Variants in AGBL4 observed in about 807,000 individuals in gnomAD.
AGBL4 encodes cytosolic carboxypeptidase 6.
A neutral mutation model predicts 66.4 loss-of-function variants in AGBL4; 58 were observed. That is an observed-to-expected ratio of 0.87 (90% CI 0.71 to 1.09). The LOEUF (loss-of-function observed/expected upper bound fraction) is 1.09. Ranked by LOEUF, AGBL4 falls within the 50% of genes least tolerant of loss-of-function variation. The pLI, the probability that AGBL4 is intolerant of heterozygous loss-of-function variation, is 0.00. For synonymous variants in AGBL4, 234 were observed against 222.9 expected (o/e 1.05, Z -0.44); for missense variants, 579 against 631.0 (o/e 0.92, Z 0.88).
chr1:48,697,071 G>C (rs1239120713), intron 6 of AGBL4, among the ~76,000 whole-genome samples: 1 of 152,104 alleles, frequency 6.6e-6, no homozygotes, highest in Non-Finnish European at 1.5e-5. Context: ...AGGCTGACAT[G>C]TTTCTATATC....
chr1:49,635,308 G>A (rs1215578278), intron 3 of AGBL4, among the ~76,000 whole-genome samples: 2 of 152,028 alleles, frequency 1.3e-5, no homozygotes, highest in African/African-American at 2.4e-5. Flanking sequence ...AAAAACAAAG[G>A]CAAGCATTCT....
intron 3 of AGBL4, among the ~76,000 whole-genome samples, chr1:49,644,734 C>A (rs1340072255): frequency 6.6e-6 from 1 of 151,406 alleles, no homozygotes; most frequent in Non-Finnish European, 1.5e-5. Flanking sequence ...AGGAAGGATG[C>A]AGAAGACTTG....
At position 48,588,656 on chromosome 1, in the gene AGBL4, A is replaced by AGTGTGT. The variant is rs57683318; in HGVS notation, c.1105-1496_1105-1491dup. The stretch of plus-strand genomic sequence containing the variant: ...AGAAAGACTGTGAAAGAAACAGAGA[A>AGTGTGT]GTGTGTGTGTGTGTGTGTGTGTGTG... On this transcript the variant is annotated intron_variant, in intron 10 of 13. Transcript: ENST00000371839. 2.3e-3 allele frequency among the ~76,000 whole-genome samples: 345 copies of AGTGTGT among 147,622 alleles called. 5 individuals carry two copies. The highest frequency in any genetic ancestry group is 5.2e-3 in the African/African-American group (207 of 40,060).
At chr1:49,121,639 C>T (rs935213378) in intron 4 of AGBL4, among the ~76,000 whole-genome samples, 4 of 152,336 alleles carry the variant, frequency 2.6e-5, no homozygotes, top group African/African-American at 9.6e-5. Flanking sequence ...TGGGAGGCGT[C>T]TCCCAGTTAG....
chr1:50,017,373 G>T (rs776531509), intron 1 of AGBL4: 1 of 151,960 alleles, frequency 6.6e-6, no homozygotes, highest in Non-Finnish European at 1.5e-5. Flanking sequence ...CCCCTATCTC[G>T]ATTATATTTC....
chr1:48,927,631 G>C (rs1219499931), intron 5 of AGBL4, among the ~76,000 whole-genome samples: 1 of 152,152 alleles, frequency 6.6e-6, no homozygotes, highest in Non-Finnish European at 1.5e-5. Flanking sequence ...AAGTGTCAGT[G>C]GGCAAGATGG....
rs376236236 is a variant in AGBL4, at chr1:49,478,643, T to A, written c.282+218670A>T. Among the ~76,000 whole-genome samples the A allele has an allele frequency of 3.4e-4, 51 of 152,062 alleles. 1 individual carries two copies. The South Asian group carries it at 9.7e-3, about 29-fold the overall frequency. On this transcript the variant is annotated intron_variant, in intron 3 of 13. Coordinates refer to ENST00000371839, the MANE Select transcript of AGBL4 (RefSeq NM_032785.4). ...AATATTAATGAACAGTAAAAAATCA[T>A]CAGAAGGTACCAAACTCATTGCTAA...
At chr1:49,245,337 T>C (rs778602986) in intron 4 of AGBL4, among the ~76,000 whole-genome samples, 1 of 150,210 alleles carries the variant, frequency 6.7e-6, no homozygotes, top group African/African-American at 2.4e-5. Context: ...GCTACTGAAC[T>C]GTAGTCCCTA....
chr1:50,000,036 A>G (rs1282771107), intron 1 of AGBL4, among the ~76,000 whole-genome samples: 1 of 152,334 alleles, frequency 6.6e-6, no homozygotes, highest in African/African-American at 2.4e-5. Flanking sequence ...CCAAGGATCC[A>G]AAAGCAAATG....
At chr1:49,536,479 C>T (rs1210930956) in intron 3 of AGBL4, among the ~76,000 whole-genome samples, 3 of 151,926 alleles carry the variant, frequency 2.0e-5, no homozygotes, top group East Asian at 1.9e-4. Flanking sequence ...TTAGCTTTAA[C>T]CAAACACTAC....
At chr1:49,498,443 G>A (rs984259616) in intron 3 of AGBL4, among the ~76,000 whole-genome samples, 4 of 151,758 alleles carry the variant, frequency 2.6e-5, no homozygotes, top group African/African-American at 7.2e-5. Context: ...GTCTTTCTGT[G>A]CCTGGATTAT....
At chr1:48,722,468 T>C (rs887556840) in intron 6 of AGBL4, among the ~76,000 whole-genome samples, 12 of 151,130 alleles carry the variant, frequency 7.9e-5, no homozygotes, top group Non-Finnish European at 1.5e-5. Context: ...ACCCAACAAC[T>C]GCATAATGAG....
At chr1:49,861,268 G>A (rs1288740194) in intron 1 of AGBL4, among the ~76,000 whole-genome samples, 2 of 152,154 alleles carry the variant, frequency 1.3e-5, no homozygotes, top group African/African-American at 4.8e-5. Context: ...ACTGGAAGGG[G>A]CACGTGAGAT....
At chr1:48,843,092 G>A (rs918465190) in intron 6 of AGBL4, among the ~76,000 whole-genome samples, 3 of 152,024 alleles carry the variant, frequency 2.0e-5, no homozygotes, top group African/African-American at 4.8e-5. Flanking sequence ...AAATTCTGAC[G>A]ATCTGTTTAG....
At chr1:49,849,389 C>A (rs1306158932) in intron 2 of AGBL4, among the ~76,000 whole-genome samples, 1 of 122,750 alleles carries the variant, frequency 8.1e-6, no homozygotes, top group East Asian at 2.3e-4. Context: ...CCTCATTCAT[C>A]TAATTTATTA....
chr1:49,816,381 C>T (rs1212614178), intron 2 of AGBL4, among the ~76,000 whole-genome samples: 1 of 152,100 alleles, frequency 6.6e-6, no homozygotes, highest in Admixed American at 6.6e-5. Flanking sequence ...GAAAAGGTTC[C>T]AAAAGGTCTA....
chr1:49,455,276 T>C (rs1365501821), intron 3 of AGBL4, among the ~76,000 whole-genome samples: 1 of 151,758 alleles, frequency 6.6e-6, no homozygotes, highest in Non-Finnish European at 1.5e-5. Context: ...CTCTACTTAC[T>C]ATTTCTGTGA....
At chr1:49,229,211 C>T (rs1364101745) in intron 4 of AGBL4, among the ~76,000 whole-genome samples, 1 of 152,154 alleles carries the variant, frequency 6.6e-6, no homozygotes, top group Non-Finnish European at 1.5e-5. Context: ...TCCCTGGCAT[C>T]CTGTGCATAC....
intron 6 of AGBL4, among the ~76,000 whole-genome samples, chr1:48,792,914 CT>C (rs2148732192): frequency 6.6e-6 from 1 of 152,328 alleles, no homozygotes; most frequent in South Asian, 2.1e-4. Context: ...CCAGACCGCT[CT>C]TTCTACCCCC....
Sources: allele counts gnomAD v4.1 joint callset (sites outside exome capture counted in the v4.1 genomes callset), GRCh38; gene constraint gnomAD v4.1.1; transcripts MANE v1.5; gene names NCBI Gene and HGNC (gene_info 2026-07-23, HGNC 2026-07-21).